Variants in SGCD observed in about 807,000 individuals in gnomAD.
SGCD encodes sarcoglycan delta.
In SGCD, 18 loss-of-function variants were observed where a neutral mutation model predicts 36.6. The ratio of observed to expected loss-of-function variants is 0.49; its 90% CI spans 0.34 to 0.73. The LOEUF (loss-of-function observed/expected upper bound fraction) is 0.73. Among genes scored for constraint, SGCD ranks in the 30% least tolerant of loss-of-function variants. SGCD has a pLI of 0.01. For synonymous variants in SGCD, 133 were observed against 130.6 expected, an observed-to-expected ratio of 1.02 and a Z score of -0.12; for missense variants, 387 against 346.7, an observed-to-expected ratio of 1.12 and a Z score of -0.92.
At chr5:156,166,031 G>A (rs1763203439) in intron 3 of SGCD, among the ~76,000 whole-genome samples, 1 of 152,102 alleles carries the variant, frequency 6.6e-6, no homozygotes, top group Admixed American at 6.5e-5. Flanking sequence ...TCTAGTATCT[G>A]CACTTGGCAC....
Position 156,519,459 on chromosome 5 carries a change from T to A in SGCD, c.294+10757T>A, listed in dbSNP as rs1181232096. ...GAGGTACAAAGAGAAGCTGGTACCA[T>A]TTCTTTTCAAACTATTCCAAACAAT... is the stretch of plus-strand genomic sequence containing the variant. On this transcript the variant is annotated intron_variant, in intron 4 of 8. Transcript: ENST00000337851. 2.0e-5 allele frequency among the ~76,000 whole-genome samples: 3 copies of A among 152,176 alleles called. No homozygotes were observed. In the South Asian group the frequency reaches 6.2e-4, roughly 32 times the overall value.
At chr5:156,681,571 C>A (rs1413408659) in intron 7 of SGCD, among the ~76,000 whole-genome samples, 1 of 152,084 alleles carries the variant, frequency 6.6e-6, no homozygotes, top group Non-Finnish European at 1.5e-5. Context: ...GGGAGAATAG[C>A]CCTTCTGTAT....
At chr5:156,460,884 A>G (rs772739545) in intron 3 of SGCD, among the ~76,000 whole-genome samples, 3 of 152,210 alleles carry the variant, frequency 2.0e-5, no homozygotes, top group Non-Finnish European at 4.4e-5. Context: ...ACAGGTGGCT[A>G]TGCCTTGTCA....
At chr5:156,747,526 T>C (rs1438971008) in intron 7 of SGCD, among the ~76,000 whole-genome samples, 1 of 152,148 alleles carries the variant, frequency 6.6e-6, no homozygotes. Flanking sequence ...TGTAGACTGT[T>C]GGACTGAACA....
At chr5:156,750,350 T>C (rs1440193637) in intron 7 of SGCD, among the ~76,000 whole-genome samples, 1 of 152,112 alleles carries the variant, frequency 6.6e-6, no homozygotes, top group Non-Finnish European at 1.5e-5. Context: ...CACTGTATTG[T>C]ATGGTTCTAG....
intron 7 of SGCD, among the ~76,000 whole-genome samples, chr5:156,700,701 T>C (rs1195501465): frequency 6.6e-6 from 1 of 152,124 alleles, no homozygotes; most frequent in African/African-American, 2.4e-5. Flanking sequence ...CCCAGAACTT[T>C]GGGATACTGA....
the SGCD span, among the ~76,000 whole-genome samples, chr5:155,835,546 A>T: frequency 0.095 from 14,521 of 152,188 alleles, 845 homozygotes; most frequent in South Asian, 0.2. Context: ...GTATATATTT[A>T]GGTATACAGT....
the SGCD span, among the ~76,000 whole-genome samples, chr5:155,772,700 G>T: frequency 6.6e-6 from 1 of 152,112 alleles, no homozygotes; most frequent in Non-Finnish European, 1.5e-5. Flanking sequence ...GGCTGCATTT[G>T]TGTACTGATT....
At chr5:155,849,891 A>G in the SGCD span, among the ~76,000 whole-genome samples, 3 of 152,238 alleles carry the variant, frequency 2.0e-5, no homozygotes, top group Non-Finnish European at 4.4e-5. Context: ...AATGACCTTG[A>G]ATGAGTCGAC....
At chr5:156,229,706 C>T (rs1302856516) in intron 3 of SGCD, among the ~76,000 whole-genome samples, 2 of 152,016 alleles carry the variant, frequency 1.3e-5, no homozygotes, top group African/African-American at 4.8e-5. Flanking sequence ...ATTTGGATGT[C>T]TAGGGCTCTA....
At chr5:155,839,998 A>C in the SGCD span, among the ~76,000 whole-genome samples, 1 of 151,940 alleles carries the variant, frequency 6.6e-6, no homozygotes, top group Non-Finnish European at 1.5e-5. Context: ...TATAGGACAC[A>C]ACTCAGGGCT....
intron 4 of SGCD, among the ~76,000 whole-genome samples, chr5:156,588,800 C>T (rs1203073208): frequency 6.6e-6 from 1 of 152,206 alleles, no homozygotes; most frequent in African/African-American, 2.4e-5. Flanking sequence ...TTTTACAGAA[C>T]CTTCCTGCTC....
At chr5:156,456,246 G>T (rs999115896) in intron 3 of SGCD, among the ~76,000 whole-genome samples, 2 of 152,138 alleles carry the variant, frequency 1.3e-5, no homozygotes, top group African/African-American at 4.8e-5. Context: ...CTTGAATGTT[G>T]GTAGATGTGT....
At chr5:155,743,825 C>G in the SGCD span, among the ~76,000 whole-genome samples, 1 of 152,240 alleles carries the variant, frequency 6.6e-6, no homozygotes, top group South Asian at 2.1e-4. Context: ...CTGCAAATAC[C>G]CATATATTGC....
At position 156,338,715 on chromosome 5, in the gene SGCD, G is replaced by T. The variant is rs76772110; in HGVS notation, c.4-5774G>T. Among the ~76,000 whole-genome samples, 1,194 of 152,244 alleles carry T rather than the reference G, an allele frequency of 7.8e-3. 17 individuals carry two copies. The highest frequency in any genetic ancestry group is 0.027 in the African/African-American group (1,118 of 41,548). ...GACAACTTCACAGTGGGTAGGATTT[G>T]CATAAAGTTAGCAGGCTTCTCAGAC... On this transcript the variant is annotated intron_variant, in intron 2 of 8. Transcript: ENST00000337851.
chr5:156,423,486 T>C (rs1209975356), intron 3 of SGCD, among the ~76,000 whole-genome samples: 1 of 127,258 alleles, frequency 7.9e-6, no homozygotes, highest in Non-Finnish European at 1.7e-5. Context: ...TAATTAATAT[T>C]AAATTGGCAA....
chr5:155,880,607 T>C (rs1462806713), intron 1 of SGCD, among the ~76,000 whole-genome samples: 1 of 152,134 alleles, frequency 6.6e-6, no homozygotes, highest in African/African-American at 2.4e-5. Context: ...TTACCATGTA[T>C]TGGGAAAGGA....
At chr5:156,713,117 A>G (rs1755066660) in intron 7 of SGCD, among the ~76,000 whole-genome samples, 1 of 152,120 alleles carries the variant, frequency 6.6e-6, no homozygotes, top group Non-Finnish European at 1.5e-5. Context: ...GGGCAGGTAC[A>G]GGAGACTATT....
chr5:156,444,139 CTTCCCTTTCTCTCTCTCCT>C (rs1753653396), intron 3 of SGCD, among the ~76,000 whole-genome samples: 1 of 79,750 alleles, frequency 1.3e-5, no homozygotes, highest in Non-Finnish European at 2.5e-5. Flanking sequence ...TCTCTCTCTC[CTTCCCTTTCTCTCTCTCCT>C]TCCCTCTCTC....
Sources: allele counts gnomAD v4.1 joint callset (sites outside exome capture counted in the v4.1 genomes callset), GRCh38; gene constraint gnomAD v4.1.1; transcripts MANE v1.5; gene names NCBI Gene and HGNC (gene_info 2026-07-23, HGNC 2026-07-21).